Variants in CACNA1C observed in about 807,000 individuals in gnomAD.
CACNA1C encodes voltage-dependent L-type calcium channel subunit alpha-1C.
Under a neutral mutation model 229.0 loss-of-function variants are expected in CACNA1C, and 30 were observed. The observed-to-expected ratio is 0.13, with a 90% CI of 0.10 to 0.18. The LOEUF is 0.18. CACNA1C is among the 10% of genes least tolerant of loss of function. The pLI is 1.00. For synonymous variants in CACNA1C, 1,114 were observed against 1,132.5 expected (o/e 0.98, Z 0.33); for missense variants, 1,658 against 2,845.0 (o/e 0.58, Z 9.49).
At chr12:2,522,292 C>T (rs2099811499) in intron 9 of CACNA1C, among the ~76,000 whole-genome samples, 1 of 152,238 alleles carries the variant, frequency 6.6e-6, no homozygotes, top group African/African-American at 2.4e-5. Context: ...CTTATTCACT[C>T]TCCCACTCAG....
chr12:2,337,770 T>G (rs2096744126), intron 3 of CACNA1C, among the ~76,000 whole-genome samples: 2 of 152,338 alleles, frequency 1.3e-5, no homozygotes, highest in Non-Finnish European at 1.5e-5. Context: ...CCAGAGGAAC[T>G]GAGTAACACC....
Position 2,688,786 on chromosome 12 carries a change from G to A in CACNA1C, c.6117+7G>A. 1.3e-6 allele frequency: 2 copies of A among 1,506,420 alleles called. No individual in the cohort carries two copies. Among genetic ancestry groups the A allele is most frequent in the African/African-American group, 2.8e-5 (2 of 72,434 alleles). The allele number at this position is 1,506,420 out of a possible 1,614,324, so 93.3% of individuals were successfully genotyped here. A position where few individuals can be genotyped will look rare whatever the true frequency, so the allele number is the denominator to read the frequency against. On this transcript the variant is annotated splice_region_variant and intron_variant, in intron 46 of 46. Coordinates refer to ENST00000399655, the MANE Select transcript of CACNA1C (RefSeq NM_000719.7). ...CAGCAGCCTGGTGGAAGCGGTAGGT[G>A]ACTCGCAGATGGGCAGGGGGGAGAG...
At chr12:2,444,366 G>T (rs1442808633) in intron 3 of CACNA1C, among the ~76,000 whole-genome samples, 2 of 152,116 alleles carry the variant, frequency 1.3e-5, no homozygotes, top group Non-Finnish European at 2.9e-5. Context: ...TTTAAGAGAG[G>T]TCCTGTAACT....
intron 3 of CACNA1C, among the ~76,000 whole-genome samples, chr12:2,126,440 T>C (rs953334289): frequency 2.0e-5 from 3 of 152,228 alleles, no homozygotes; most frequent in African/African-American, 4.8e-5. Context: ...AGCCGACTCA[T>C]TGTGTGTGGA....
At chr12:2,364,779 C>T (rs896823838) in intron 3 of CACNA1C, among the ~76,000 whole-genome samples, 5 of 151,996 alleles carry the variant, frequency 3.3e-5, no homozygotes, top group African/African-American at 9.7e-5. Context: ...CAGAGACTGC[C>T]GTACAGAACT....
At chr12:2,376,995 C>T (rs1430170027) in intron 3 of CACNA1C, among the ~76,000 whole-genome samples, 1 of 152,122 alleles carries the variant, frequency 6.6e-6, no homozygotes. Flanking sequence ...GCTGTTGTCA[C>T]GTTCTGTGCT....
intron 11 of CACNA1C, among the ~76,000 whole-genome samples, chr12:2,558,758 C>T (rs1017176361): frequency 6.6e-6 from 1 of 152,168 alleles, no homozygotes; most frequent in African/African-American, 2.4e-5. Context: ...AAGTGGGGAC[C>T]CTGGTGTCTG....
At chr12:2,339,959 A>C (rs555408170) in intron 3 of CACNA1C, among the ~76,000 whole-genome samples, 2 of 122,344 alleles carry the variant, frequency 1.6e-5, no homozygotes, top group Admixed American at 7.6e-5. Context: ...ATATTTTTTT[A>C]AAAAAGAATC....
chr12:2,072,663 G>A (rs2061785987), intron 1 of CACNA1C, among the ~76,000 whole-genome samples: 1 of 151,640 alleles, frequency 6.6e-6, no homozygotes, highest in African/African-American at 2.4e-5. Context: ...ATATAATTTG[G>A]TATATGAGGT....
chr12:2,499,357 G>A (rs1251905143), intron 7 of CACNA1C, among the ~76,000 whole-genome samples: 2 of 152,070 alleles, frequency 1.3e-5, no homozygotes, highest in Middle Eastern at 3.4e-3. Context: ...TTGCTGAAAC[G>A]ATTCAGCCTT....
intron 1 of CACNA1C, among the ~76,000 whole-genome samples, chr12:2,035,154 C>T (rs2048898423): frequency 1.3e-5 from 2 of 152,288 alleles, no homozygotes; most frequent in African/African-American, 2.4e-5. Context: ...TGTGCCCGGG[C>T]CCTCCGCGGG....
At chr12:2,109,304 C>T (rs1450639198) in intron 1 of CACNA1C, among the ~76,000 whole-genome samples, 1 of 152,160 alleles carries the variant, frequency 6.6e-6, no homozygotes, top group Non-Finnish European at 1.5e-5. Flanking sequence ...GGGGAGAACA[C>T]TGGCAGCTAG....
intron 3 of CACNA1C, among the ~76,000 whole-genome samples, chr12:2,261,880 T>C (rs2080379968): frequency 6.6e-6 from 1 of 152,188 alleles, no homozygotes; most frequent in Admixed American, 6.5e-5. Flanking sequence ...AGTACTAATA[T>C]GGGAATGACA....
chr12:2,319,990 G>C lies in CACNA1C; in HGVS notation c.478-128986G>C, dbSNP rs564465736. On this transcript the variant is annotated intron_variant, in intron 3 of 46. Transcript: ENST00000399655. The surrounding 1 kb of genome is among the most constrained non-coding windows in gnomAD (Gnocchi z 4.0). ...ACCCTTTAAAGCTCCTGTCCCTGGG[G>C]GTTTTGCTGCAGGATGGTCTCTGAA... Among the ~76,000 whole-genome samples the C allele has an allele frequency of 6.6e-6, 1 of 152,146 alleles. No individual in the cohort carries two copies. The highest frequency in any genetic ancestry group is 1.5e-5 in the Non-Finnish European group (1 of 68,014).
At position 2,632,208 on chromosome 12, in the gene CACNA1C, GT is replaced by G. The variant is rs1166622718; in HGVS notation, c.3829-2083del. On this transcript the variant is annotated intron_variant, in intron 29 of 46. Transcript: ENST00000399655. This position sits in a 1 kb window ranked among gnomAD's most constrained non-coding sequence, Gnocchi z 4.1. ...CCATTTCTAAACTAAAGGCGTGAAT[GT>G]TTTTTCTTAAAGAAGACAAATCTCT... is the stretch of plus-strand genomic sequence containing the variant. Among the ~76,000 whole-genome samples the G allele has an allele frequency of 6.6e-6, 1 of 152,054 alleles. No individual in the cohort carries two copies. Among genetic ancestry groups the G allele is most frequent in the Non-Finnish European group, 1.5e-5 (1 of 68,012 alleles).
At chr12:2,431,005 T>C (rs896583969) in intron 3 of CACNA1C, among the ~76,000 whole-genome samples, 3 of 152,222 alleles carry the variant, frequency 2.0e-5, no homozygotes, top group Admixed American at 1.3e-4. Flanking sequence ...CTGCACTTCC[T>C]GCCCTGCAGG....
At chr12:2,318,632 G>A (rs1466328295) in intron 3 of CACNA1C, among the ~76,000 whole-genome samples, 1 of 152,242 alleles carries the variant, frequency 6.6e-6, no homozygotes, top group African/African-American at 2.4e-5. Context: ...GTCAGGCTGA[G>A]TGCTGATTCC....
At chr12:2,184,947 A>C (rs2096952069) in intron 3 of CACNA1C, among the ~76,000 whole-genome samples, 1 of 152,228 alleles carries the variant, frequency 6.6e-6, no homozygotes, top group Non-Finnish European at 1.5e-5. Context: ...AACTGGGGTT[A>C]AAGTCCTAAG....
chr12:2,644,795 G>T (rs759067378), intron 30 of CACNA1C, among the ~76,000 whole-genome samples: 6 of 152,208 alleles, frequency 3.9e-5, no homozygotes, highest in African/African-American at 1.4e-4. Flanking sequence ...AATTCAGAAA[G>T]ACAGCTTTCC....
Sources: gnomAD v4.1 joint callset for allele counts (sites outside exome capture counted in the v4.1 genomes callset) on GRCh38, gnomAD v4.1.1 for gene constraint, Gnocchi (gnomAD v3.1) non-coding constraint, MANE v1.5 for transcripts, NCBI Gene and HGNC (gene_info 2026-07-23, HGNC 2026-07-21) for gene names.